Variants in PPFIA4 observed in about 807,000 individuals in gnomAD.
The protein encoded by PPFIA4 is liprin-alpha-4.
PPFIA4 carries 98 observed loss-of-function variants against 145.7 expected under a neutral mutation model. The ratio of observed to expected loss-of-function variants is 0.67; its 90% CI spans 0.57 to 0.80. The LOEUF (loss-of-function observed/expected upper bound fraction) is 0.80. Ranked by LOEUF, PPFIA4 falls within the 30% of genes least tolerant of loss-of-function variation. PPFIA4 has a pLI of 0.00. For missense variants in PPFIA4, 1,457 were observed against 1,632.7 expected (o/e 0.89, Z 1.85); for synonymous variants, 628 against 649.6 (o/e 0.97, Z 0.51).
intron 1 of PPFIA4, among the ~76,000 whole-genome samples, chr1:203,037,782 G>A (rs569573603): frequency 6.6e-6 from 1 of 152,204 alleles, no homozygotes; most frequent in East Asian, 1.9e-4. Context: ...GCCATGATAG[G>A]GGCCACACTG....
At position 203,045,935 on chromosome 1, in the gene PPFIA4, T is replaced by G; in HGVS notation, c.953T>G (p.Leu318Arg). Residue 318 changes from leucine to arginine, a missense_variant, in exon 8 of 30, where the codon CTC (leucine) becomes CGC (arginine). Leu to Arg is a moderately radical substitution (Grantham distance 102, BLOSUM62 -2). Around this residue, in one of 3 missense-constraint regions of PPFIA4, gnomAD observed 463 missense variants for 459.8 expected, o/e 1.01. Transcript: ENST00000295706. ...CGTGAGGCAACATCCATCCATGACC[T>G]CAATGACAAGCTGGAGAATGAGCTG... ...AQREATSIHD[L>R]NDKLENELAN... is the part of the protein sequence containing the mutation. The G allele has an allele frequency of 6.2e-7, 1 of 1,612,732 alleles. No homozygotes were observed. Among genetic ancestry groups the G allele is most frequent in the Non-Finnish European group, 8.5e-7 (1 of 1,179,860 alleles).
rs1447812265 is a variant in PPFIA4, at chr1:203,048,954, C to T, written c.1393C>T (p.Gln465Ter). Residue 465 changes from glutamine (Q) to a stop codon, truncating the protein, a stop_gained, in exon 12 of 30, where the codon CAG (glutamine) becomes TAG (stop). Coordinates refer to ENST00000295706, the MANE Select transcript of PPFIA4 (RefSeq NM_001304331.2). LOFTEE classifies it high-confidence loss of function. The surrounding 1 kb of genome is among the most constrained non-coding windows in gnomAD (Gnocchi z 5.8). ...LIQELESSQRQIEEQHHHKGR... is the reference protein window; with the variant it reads ...LIQELESSQR ...CCAGGAGTTGGAGAGCTCCCAGCGGCAGATTGAGGAGCAGCACCACCACAA... is the reference window on the plus strand; with the variant it reads ...CCAGGAGTTGGAGAGCTCCCAGCGGTAGATTGAGGAGCAGCACCACCACAA... The T allele has an allele frequency of 6.5e-7, 1 of 1,548,466 alleles. No homozygotes were observed. The highest frequency in any genetic ancestry group is 8.7e-7 in the Non-Finnish European group (1 of 1,146,814).
At position 203,048,507 on chromosome 1, in the gene PPFIA4, G is replaced by C; in HGVS notation, c.1225-76G>C. Reference sequence around the variant, plus strand: ...CCCAGAGGATGAGAAGAGGACAGGGGAGGGAGTCAAACCCCAGCAGGAGAG... The same window carrying C: ...CCCAGAGGATGAGAAGAGGACAGGGCAGGGAGTCAAACCCCAGCAGGAGAG... On this transcript the variant is annotated intron_variant, in intron 10 of 29. Transcript: ENST00000295706. This position sits in a 1 kb window ranked among gnomAD's most constrained non-coding sequence, Gnocchi z 5.8. 6.5e-7 allele frequency: 1 copy of C among 1,544,212 alleles called. No homozygotes were observed. Among genetic ancestry groups the C allele is most frequent in the Non-Finnish European group, 8.8e-7 (1 of 1,142,304 alleles).
intron 14 of PPFIA4, among the ~76,000 whole-genome samples, chr1:203,052,186 G>C (rs1300843128): frequency 6.6e-6 from 1 of 151,478 alleles, no homozygotes; most frequent in Admixed American, 6.6e-5. Context: ...CGGGCGTGGG[G>C]GGTGGGGGAG....
rs1253892283 is a variant in PPFIA4 at position 203,039,238 on chromosome 1, C to A, written c.230C>A (p.Pro77His). Residue 77 changes from proline to histidine, a missense_variant, in exon 2 of 30, where the codon CCC (proline) becomes CAC (histidine). By Grantham distance (77) the Pro-to-His change is moderately conservative. Transcript: ENST00000295706. ...QLQRHLNSAL[P>H]QEFATLTREL... ...CAGCGCCACCTTAACTCCGCCCTCC[C>A]CCAGGTAAGGCCCGAAGGCCTGCGT... 9 of 1,582,074 alleles carry A rather than the reference C, an allele frequency of 5.7e-6. No individual in the cohort carries two copies. Among genetic ancestry groups the A allele is most frequent in the Admixed American group, 5.4e-5 (3 of 55,680 alleles).
In PPFIA4 at chr1:203,075,387, G is replaced by A. The variant is rs1018469085; in HGVS notation, c.3394-190G>A. The stretch of plus-strand genomic sequence containing the variant: ...CCCAGAGACAGGGAATTTCAGAGTC[G>A]CAGGGTTTCCCGATTCACTGTACAG... On this transcript the variant is annotated intron_variant, in intron 28 of 29. Coordinates refer to ENST00000295706, the MANE Select transcript of PPFIA4 (RefSeq NM_001304331.2). This position sits in a 1 kb window ranked among gnomAD's most constrained non-coding sequence, Gnocchi z 4.1. 6.6e-6 allele frequency among the ~76,000 whole-genome samples: 1 copy of A among 151,720 alleles called. No individual in the cohort carries two copies. The highest frequency in any genetic ancestry group is 1.5e-5 in the Non-Finnish European group (1 of 67,922).
intron 19 of PPFIA4, among the ~76,000 whole-genome samples, chr1:203,057,592 A>T (rs1230894550): frequency 6.6e-6 from 1 of 151,988 alleles, no homozygotes; most frequent in Middle Eastern, 3.4e-3. Flanking sequence ...TCTTTCTGTC[A>T]TCTATTCAGC....
intron 2 of PPFIA4, 78 bp downstream of exon 2, chr1:203,039,320 A>T: frequency 9.6e-7 from 1 of 1,041,412 alleles, no homozygotes; most frequent in Non-Finnish European, 1.4e-6. Flanking sequence ...CCCTCAGCTC[A>T]TCTGCATCTA....
chr1:203,035,103 C>T (rs1659131531), intron 1 of PPFIA4: 14 of 350,064 alleles, frequency 4.0e-5, no homozygotes, highest in South Asian at 2.9e-4. Flanking sequence ...TTCTGGAAGA[C>T]CCCCGCCCTC....
chr1:203,039,600 A>G (rs1335498885), intron 2 of PPFIA4, among the ~76,000 whole-genome samples: 1 of 152,156 alleles, frequency 6.6e-6, no homozygotes, highest in Non-Finnish European at 1.5e-5. Flanking sequence ...GACAGTAGAG[A>G]TGGGTGAGTT....
intron 13 of PPFIA4, 57 bp downstream of exon 13, chr1:203,049,824 AAGG>A (rs1660369030): frequency 7.2e-7 from 1 of 1,385,774 alleles, no homozygotes; most frequent in African/African-American, 1.5e-5. Flanking sequence ...GACCGTGAGG[AAGG>A]AGACTTCCTT....
chr1:203,062,479 C>CAAAA (rs34987795), intron 24 of PPFIA4, among the ~76,000 whole-genome samples: 3 of 35,362 alleles, frequency 8.5e-5, no homozygotes, highest in Non-Finnish European at 1.1e-4. Context: ...GACTCCGTCT[C>CAAAA]AAAAAAAAAA....
intron 4 of PPFIA4, 95 bp from the exon 5 acceptor site, chr1:203,044,284 C>A: frequency 7.8e-7 from 1 of 1,286,412 alleles, no homozygotes; most frequent in Non-Finnish European, 1.1e-6. Flanking sequence ...CTTCACTGTC[C>A]TCATGCTCAG....
At chr1:203,034,513 C>T (rs10920550) in intron 1 of PPFIA4, 60,235 of 456,208 alleles carry the variant, frequency 0.13, 4,283 homozygotes, top group African/African-American at 0.2. Context: ...ACGAGGGCTC[C>T]GAAGAGTGTC....
intron 26 of PPFIA4, 125 bp downstream of exon 26, chr1:203,067,917 C>T (rs1249387519): frequency 1.2e-6 from 1 of 806,704 alleles, no homozygotes; most frequent in Non-Finnish European, 2.0e-6. Context: ...GAAGATGCAG[C>T]CTCACCTTAG....
chr1:203,029,725 T>A (rs1449979086), intron 1 of PPFIA4, among the ~76,000 whole-genome samples: 5 of 152,192 alleles, frequency 3.3e-5, no homozygotes, highest in Non-Finnish European at 7.3e-5. Flanking sequence ...TGGTGTTACA[T>A]CCCTTTGGGG....
chr1:203,043,544 G>T lies in PPFIA4; in HGVS notation c.336+46G>T, dbSNP rs1310452927. ...GTCGCGCGCGCGCACGTGTGTGTGTGTGTGTATGGGGGTGTGTTGTGAACA... is the reference window on the plus strand; with the variant it reads ...GTCGCGCGCGCGCACGTGTGTGTGTTTGTGTATGGGGGTGTGTTGTGAACA... On this transcript the variant is annotated intron_variant, in intron 3 of 29. Coordinates refer to ENST00000295706, the MANE Select transcript of PPFIA4 (RefSeq NM_001304331.2). This position sits in a 1 kb window ranked among gnomAD's most constrained non-coding sequence, Gnocchi z 4.4. The T allele has an allele frequency of 6.7e-7, 1 of 1,501,772 alleles. No homozygotes were observed. The highest frequency in any genetic ancestry group is 9.1e-7 in the Non-Finnish European group (1 of 1,098,100). The allele number at this position is 1,501,772 out of a possible 1,614,324, so 93.0% of individuals were successfully genotyped here.
intron 1 of PPFIA4, among the ~76,000 whole-genome samples, chr1:203,030,228 C>A (rs564647643): frequency 3.3e-5 from 5 of 152,232 alleles, no homozygotes; most frequent in African/African-American, 9.6e-5. Context: ...AACTCCCACA[C>A]AGGGTGGGAA....
Position 203,049,733 on chromosome 1 carries a change from C to G in PPFIA4, c.1477C>G (p.Arg493Gly). ...CCAAGAGGTGGACCAGCTGAAGGGC[C>G]GAGGGGGGCCGTTTGTGGATGGCGT... ...LRQEVDQLKG[R>G]GGPFVDGVHS... Residue 493 changes from arginine to glycine, a missense_variant, in exon 13 of 30, where the codon CGA becomes GGA. Arg to Gly is a moderately radical substitution (Grantham distance 125). Transcript: ENST00000295706. 1.3e-6 allele frequency: 2 copies of G among 1,587,022 alleles called. No individual in the cohort carries two copies. The highest frequency in any genetic ancestry group is 1.7e-6 in the Non-Finnish European group (2 of 1,165,818).
Sources: allele counts gnomAD v4.1 joint callset (sites outside exome capture counted in the v4.1 genomes callset), GRCh38; gene constraint gnomAD v4.1.1; regional missense constraint gnomAD v4.1.1; non-coding constraint Gnocchi (gnomAD v3.1); transcripts MANE v1.5; gene names NCBI Gene and HGNC (gene_info 2026-07-23, HGNC 2026-07-21).